ASIC2: variants seen among roughly 807,000 people sequenced by gnomAD.
ASIC2 encodes the protein acid sensing ion channel subunit 2.
ASIC2 carries 25 observed loss-of-function variants against 57.3 expected under a neutral mutation model. The observed-to-expected ratio is 0.44, with a 90% CI of 0.32 to 0.61. The LOEUF (loss-of-function observed/expected upper bound fraction) is 0.61, where lower values mean the gene tolerates loss of function less well. Among genes scored for constraint, ASIC2 ranks in the 20% least tolerant of loss-of-function variants. The pLI, the probability that ASIC2 is intolerant of heterozygous loss-of-function variation, is 0.06. For missense variants in ASIC2, 641 were observed against 738.1 expected (o/e 0.87, Z 1.52); for synonymous variants, 319 against 307.5 (o/e 1.04, Z -0.39).
At chr17:33,620,249 A>AAC (rs112999975) in intron 1 of ASIC2, among the ~76,000 whole-genome samples, 16 of 151,620 alleles carry the variant, frequency 1.1e-4, no homozygotes, top group African/African-American at 3.1e-4. Flanking sequence ...TGAAAAAAAA[A>AAC]AAAAAAAAAA....
intron 1 of ASIC2, among the ~76,000 whole-genome samples, chr17:33,799,443 T>TTCCTTCC (rs1555562532): frequency 2.5e-5 from 2 of 78,530 alleles, no homozygotes; most frequent in African/African-American, 1.1e-4. Context: ...TCTTTCTTTC[T>TTCCTTCC]TTCTTTCTTT....
At chr17:33,924,215 T>G (rs552532937) in intron 1 of ASIC2, among the ~76,000 whole-genome samples, 1 of 152,230 alleles carries the variant, frequency 6.6e-6, no homozygotes, top group Admixed American at 6.5e-5. Context: ...TACCTGACTC[T>G]CCTGCACTGC....
chr17:33,579,403 G>A (rs958901348), intron 1 of ASIC2, among the ~76,000 whole-genome samples: 4 of 152,032 alleles, frequency 2.6e-5, no homozygotes, highest in Non-Finnish European at 4.4e-5. Context: ...TTATTCTGGA[G>A]GGGAAGGTAG....
chr17:33,732,358 A>C (rs1269942932), intron 1 of ASIC2, among the ~76,000 whole-genome samples: 2 of 152,226 alleles, frequency 1.3e-5, no homozygotes, highest in Admixed American at 6.5e-5. Flanking sequence ...TAGAATGGTG[A>C]TCAAAATAGT....
chr17:33,651,305 T>C (rs952331917), intron 1 of ASIC2, among the ~76,000 whole-genome samples: 2 of 152,208 alleles, frequency 1.3e-5, no homozygotes, highest in African/African-American at 4.8e-5. Flanking sequence ...GATAAGTACG[T>C]AGAACTTTTC....
At chr17:33,654,096 G>T (rs1204349161) in intron 1 of ASIC2, among the ~76,000 whole-genome samples, 1 of 152,112 alleles carries the variant, frequency 6.6e-6, no homozygotes, top group Non-Finnish European at 1.5e-5. Flanking sequence ...CTACAAAATG[G>T]ATCTATCAAT....
chr17:34,056,346 C>G (rs1908764789), intron 1 of ASIC2, among the ~76,000 whole-genome samples: 1 of 152,168 alleles, frequency 6.6e-6, no homozygotes, highest in South Asian at 2.1e-4. Context: ...TCAGGTCCTG[C>G]CTTCTCCCTA....
intron 1 of ASIC2, among the ~76,000 whole-genome samples, chr17:33,122,727 C>A (rs1436908811): frequency 6.6e-6 from 1 of 152,122 alleles, no homozygotes; most frequent in Non-Finnish European, 1.5e-5. Context: ...CTCTTATTAA[C>A]TATAGTCACC....
chr17:33,395,039 T>A (rs4795776), intron 1 of ASIC2, among the ~76,000 whole-genome samples: 79,385 of 146,148 alleles, frequency 0.54, 22,243 homozygotes, highest in East Asian at 0.77. Context: ...TATCTATCCA[T>A]CCTTCCATCC....
At chr17:33,213,998 A>T (rs755639032) in intron 1 of ASIC2, among the ~76,000 whole-genome samples, 4 of 152,150 alleles carry the variant, frequency 2.6e-5, no homozygotes, top group Non-Finnish European at 5.9e-5. Flanking sequence ...GTGGCAGGCG[A>T]TCCTTGATGG....
chr17:34,134,707 AT>A (rs1912081368), intron 1 of ASIC2, among the ~76,000 whole-genome samples: 1 of 152,162 alleles, frequency 6.6e-6, no homozygotes, highest in African/African-American at 2.4e-5. Context: ...ATCTGTTTCT[AT>A]TTGCGCCAAT....
intron 1 of ASIC2, among the ~76,000 whole-genome samples, chr17:33,525,930 C>T (rs7209298): frequency 0.62 from 93,811 of 152,044 alleles, 29,654 homozygotes; most frequent in African/African-American, 0.76. Flanking sequence ...CTGCTTTAGG[C>T]TGTAAGTTAT....
At chr17:34,031,660 T>C (rs1313881322) in intron 1 of ASIC2, among the ~76,000 whole-genome samples, 1 of 151,944 alleles carries the variant, frequency 6.6e-6, no homozygotes, top group Non-Finnish European at 1.5e-5. Context: ...TGGAGAAAAG[T>C]CCTTAAGGGA....
chr17:33,023,934 T>A lies in ASIC2; in HGVS notation c.1276A>T (p.Met426Leu). ...GATGTCTTGCTGGGGATCTTCACCA[T>A]GGAGAGCTCTTTGTTGTAGCGGGTT... ...NLTRYNKELS[M>L]VKIPSKTSAK... The change falls in exon 6 of 10, where the codon ATG becomes TTG. Residue 426 changes from methionine (M) to leucine (L), a missense_variant. By Grantham distance (15) the Met-to-Leu change is conservative. Transcript: ENST00000225823. 6.2e-7 allele frequency: 1 copy of A among 1,614,226 alleles called. No homozygotes were observed. Among genetic ancestry groups the A allele is most frequent in the Non-Finnish European group, 8.5e-7 (1 of 1,180,034 alleles).
At chr17:33,133,864 A>G (rs2092357620) in intron 1 of ASIC2, among the ~76,000 whole-genome samples, 2 of 152,228 alleles carry the variant, frequency 1.3e-5, no homozygotes. Flanking sequence ...CAATGCAAGG[A>G]CTTTGTGAAG....
intron 1 of ASIC2, among the ~76,000 whole-genome samples, chr17:33,118,242 C>G (rs911635441): frequency 2.0e-5 from 3 of 152,206 alleles, no homozygotes; most frequent in African/African-American, 7.2e-5. Flanking sequence ...TCCAGTAACT[C>G]TTCAAGTAGC....
intron 1 of ASIC2, among the ~76,000 whole-genome samples, chr17:33,258,644 A>G (rs888394158): frequency 1.3e-5 from 2 of 152,214 alleles, no homozygotes; most frequent in Non-Finnish European, 2.9e-5. Flanking sequence ...AGGAGGTCTT[A>G]GTGGCTGCAA....
intron 1 of ASIC2, among the ~76,000 whole-genome samples, chr17:33,128,285 T>C (rs2092332256): frequency 6.6e-6 from 1 of 152,184 alleles, no homozygotes; most frequent in African/African-American, 2.4e-5. Flanking sequence ...CAAGGTCAAG[T>C]CTGATGAAGG....
rs1364702032 is a variant in ASIC2, at chr17:33,237,369, A to G, written c.708+54039T>C. On this transcript the variant is annotated intron_variant, in intron 1 of 9. Transcript: ENST00000225823. ...ACTTAGTAGTTTTTTTTTTTTTTTA[A>G]TACGGAGTTGTGCTCTTGTTGCCCA... Among the ~76,000 whole-genome samples, 7 of 150,072 alleles carry G rather than the reference A, an allele frequency of 4.7e-5. No individual in the cohort carries two copies. The East Asian group carries it at 1.2e-3, about 25-fold the overall frequency.
Sources: gnomAD v4.1 joint callset for allele counts (sites outside exome capture counted in the v4.1 genomes callset) on GRCh38, gnomAD v4.1.1 for gene constraint, MANE v1.5 for transcripts, NCBI Gene and HGNC (gene_info 2026-07-23, HGNC 2026-07-21) for gene names.